The following FRY variants were observed in gnomAD, a reference collection of about 807,000 sequenced individuals.
FRY encodes FRY microtubule binding protein.
FRY carries 128 observed loss-of-function variants against 348.4 expected under a neutral mutation model. The observed-to-expected ratio is 0.37, with a 90% CI of 0.32 to 0.43. The LOEUF is 0.43. FRY is among the 20% of genes least tolerant of loss of function. The probability of loss-of-function intolerance (pLI) is 1.00; values close to 1 mark genes in which losing one functional copy is unlikely to be tolerated. For missense variants in FRY, 2,736 were observed against 3,695.2 expected, an observed-to-expected ratio of 0.74 and a Z score of 6.73; for synonymous variants, 1,370 against 1,374.7, an observed-to-expected ratio of 1.00 and a Z score of 0.08.
intron 1 of FRY, among the ~76,000 whole-genome samples, chr13:32,039,309 A>G (rs1872663107): frequency 6.6e-6 from 1 of 152,206 alleles, no homozygotes; most frequent in East Asian, 1.9e-4. Context: ...CATTCCTTAC[A>G]TTAGAAAAAT....
intron 40 of FRY, among the ~76,000 whole-genome samples, chr13:32,230,232 T>TCCAGTAGGCC (rs1318301805): frequency 6.6e-6 from 1 of 152,150 alleles, no homozygotes; most frequent in African/African-American, 2.4e-5. Flanking sequence ...CCCTCCGCCC[T>TCCAGTAGGCC]CCAGTAGGCC....
intron 14 of FRY, among the ~76,000 whole-genome samples, chr13:32,154,271 C>A (rs1416744048): frequency 6.6e-6 from 1 of 152,046 alleles, no homozygotes; most frequent in Non-Finnish European, 1.5e-5. Context: ...AAGTAATATT[C>A]TTTCATTCTA....
At chr13:32,265,676 T>G in intron 54 of FRY, 60 bp downstream of exon 54, 3 of 1,506,766 alleles carry the variant, frequency 2.0e-6, no homozygotes, top group Non-Finnish European at 2.7e-6. Flanking sequence ...TATATGGCAT[T>G]CACACTCAAG....
intron 7 of FRY, among the ~76,000 whole-genome samples, chr13:32,128,301 A>T (rs1468871429): frequency 1.3e-5 from 2 of 152,198 alleles, no homozygotes; most frequent in African/African-American, 2.4e-5. Context: ...ACTATTTAAT[A>T]GTGAATAGTG....
intron 39 of FRY, among the ~76,000 whole-genome samples, chr13:32,226,205 T>C (rs1413822484): frequency 6.6e-6 from 1 of 152,244 alleles, no homozygotes; most frequent in Non-Finnish European, 1.5e-5. Flanking sequence ...GTTATATATA[T>C]GATTGCTGCC....
At chr13:32,105,968 G>T (rs1188004529) in intron 3 of FRY, among the ~76,000 whole-genome samples, 5 of 150,868 alleles carry the variant, frequency 3.3e-5, no homozygotes, top group African/African-American at 1.2e-4. Context: ...ATACTTTATA[G>T]TTTACCCAGC....
intron 20 of FRY, 66 bp downstream of exon 20, chr13:32,175,698 G>A (rs1882321164): frequency 1.1e-6 from 1 of 924,476 alleles, no homozygotes; most frequent in Non-Finnish European, 1.8e-6. Flanking sequence ...AATAGTCAGT[G>A]AAAAATTATG....
intron 18 of FRY, among the ~76,000 whole-genome samples, chr13:32,172,048 A>T (rs1882118637): frequency 1.9e-5 from 1 of 53,298 alleles, no homozygotes; most frequent in Non-Finnish European, 4.2e-5. Flanking sequence ...GTAGATGTGG[A>T]TATGGATGTG....
rs559881754 is a variant in FRY at position 32,120,240 on chromosome 13, G to T, written c.464+2767G>T. Reference sequence around the variant, plus strand: ...CTATTATTCACATTTTGTAGATGGAGAAATTGCCGATAAATAGAAGAGGCA... The same window carrying T: ...CTATTATTCACATTTTGTAGATGGATAAATTGCCGATAAATAGAAGAGGCA... On this transcript the variant is annotated intron_variant, in intron 4 of 60. Transcript: ENST00000542859. 2.0e-5 allele frequency among the ~76,000 whole-genome samples: 3 copies of T among 152,200 alleles called. No individual in the cohort carries two copies. In the South Asian group the frequency reaches 6.2e-4, roughly 32 times the overall value.
chr13:32,054,205 A>G (rs1373475449), intron 1 of FRY, among the ~76,000 whole-genome samples: 1 of 145,900 alleles, frequency 6.9e-6, no homozygotes, highest in African/African-American at 2.5e-5. Context: ...TCTTGAACAC[A>G]CCCTTTTTTT....
chr13:32,191,109 C>A (rs1883308979), intron 28 of FRY, among the ~76,000 whole-genome samples: 1 of 152,102 alleles, frequency 6.6e-6, no homozygotes, highest in Non-Finnish European at 1.5e-5. Flanking sequence ...GATAGCCTTA[C>A]TAAAGGAAAG....
intron 23 of FRY, among the ~76,000 whole-genome samples, chr13:32,181,824 C>CT (rs1307477299): frequency 6.6e-6 from 1 of 151,958 alleles, no homozygotes; most frequent in Non-Finnish European, 1.5e-5. Flanking sequence ...GTGTATCTGT[C>CT]TAATTTTTTA....
chr13:32,068,689 A>G (rs766940499), intron 1 of FRY, among the ~76,000 whole-genome samples: 2 of 152,238 alleles, frequency 1.3e-5, no homozygotes, highest in Non-Finnish European at 2.9e-5. Flanking sequence ...TCTCCAAGGT[A>G]TTCAGTCTGG....
In FRY at chr13:32,209,106, C is replaced by A; in HGVS notation, c.4272C>A (p.Ala1424=). 5 of 1,614,024 alleles carry A rather than the reference C, an allele frequency of 3.1e-6. No homozygotes were observed. Among genetic ancestry groups the A allele is most frequent in the Non-Finnish European group, 4.2e-6 (5 of 1,180,020 alleles). The change falls in exon 32 of 61, where the codon GCC becomes GCA. Residue 1424 remains alanine (A), a synonymous_variant. Coordinates refer to ENST00000542859, the MANE Select transcript of FRY (RefSeq NM_023037.3). ...LVLNNLMYMT[A]KYGDEVPGPE... is the part of the protein sequence containing the mutation. ...TGAACAACCTCATGTACATGACGGC[C>A]AAGGTAAACTCAGAGGAATTGTGCT...
rs1383746126 is a variant in FRY, at chr13:32,224,316, C to A, written c.4847C>A (p.Thr1616Asn). The A allele has an allele frequency of 1.2e-6, 2 of 1,613,828 alleles. No individual in the cohort carries two copies. The highest frequency in any genetic ancestry group is 1.7e-6 in the Non-Finnish European group (2 of 1,179,912). ...KQPQPLPMPC[T>N]GGCWAPLVDY... The stretch of plus-strand genomic sequence containing the variant: ...CCGCAGCCCTTACCGATGCCTTGTA[C>A]TGGAGGATGCTGGGCCCCCCTGGTT... The change falls in exon 37 of 61, where the codon ACT becomes AAT. Residue 1616 changes from threonine to asparagine, a missense_variant. By Grantham distance (65) the Thr-to-Asn change is moderately conservative (BLOSUM62 0). Transcript: ENST00000542859.
At chr13:32,075,639 C>T (rs987233401) in intron 1 of FRY, among the ~76,000 whole-genome samples, 1 of 152,162 alleles carries the variant, frequency 6.6e-6, no homozygotes, top group Admixed American at 6.5e-5. Flanking sequence ...GTTTCCTGGT[C>T]TGCACTATAT....
At chr13:32,122,937 A>G (rs1438237270) in intron 4 of FRY, among the ~76,000 whole-genome samples, 1 of 119,472 alleles carries the variant, frequency 8.4e-6, no homozygotes, top group African/African-American at 2.9e-5. Flanking sequence ...CCCTTTTACA[A>G]TAGCTGCAAA....
intron 1 of FRY, chr13:32,061,105 G>A (rs765538122): frequency 1.9e-6 from 1 of 533,314 alleles, no homozygotes; most frequent in East Asian, 5.4e-5. Flanking sequence ...TCAGGCTCAT[G>A]GAGATTACAA....
chr13:32,242,498 T>C (rs2096309137), intron 46 of FRY, among the ~76,000 whole-genome samples: 1 of 152,192 alleles, frequency 6.6e-6, no homozygotes, highest in Non-Finnish European at 1.5e-5. Flanking sequence ...TTTTCCACAT[T>C]ATAGATTTAC....
Sources: gnomAD v4.1 joint callset for allele counts (sites outside exome capture counted in the v4.1 genomes callset) on GRCh38, gnomAD v4.1.1 for gene constraint, MANE v1.5 for transcripts, NCBI Gene and HGNC (gene_info 2026-07-23, HGNC 2026-07-21) for gene names.